The following C1orf21 variants were observed in gnomAD, a reference collection of about 807,000 sequenced individuals.
C1orf21 encodes uncharacterized protein C1orf21.
Under a neutral mutation model 18.7 loss-of-function variants are expected in C1orf21, and 3 were observed. The observed-to-expected ratio is 0.16, with a 90% CI of 0.07 to 0.42. C1orf21 has a LOEUF of 0.42. Among genes scored for constraint, C1orf21 ranks in the 10% least tolerant of loss-of-function variants. C1orf21 has a pLI of 0.99. For missense variants in C1orf21, 104 were observed against 143.6 expected (o/e 0.72, Z 1.41); for synonymous variants, 41 against 46.4 (o/e 0.88, Z 0.47).
chr1:184,569,905 G>A (rs934889873), intron 3 of C1orf21, among the ~76,000 whole-genome samples: 1 of 152,184 alleles, frequency 6.6e-6, no homozygotes, highest in East Asian at 1.9e-4. Context: ...AAAGCCTACA[G>A]AAGCCAAGAA....
intron 2 of C1orf21, among the ~76,000 whole-genome samples, chr1:184,489,647 T>A (rs781048259): frequency 4.6e-5 from 7 of 152,208 alleles, no homozygotes; most frequent in African/African-American, 7.2e-5. Flanking sequence ...GAAACATGCA[T>A]GGAATAGAGC....
At chr1:184,472,405 T>C (rs142070894) in intron 1 of C1orf21, among the ~76,000 whole-genome samples, 22 of 152,332 alleles carry the variant, frequency 1.4e-4, no homozygotes, top group Non-Finnish European at 2.9e-4. Flanking sequence ...AATTTCTTTA[T>C]GGAATGTATC....
intron 5 of C1orf21, among the ~76,000 whole-genome samples, chr1:184,603,399 G>A (rs1659610455): frequency 6.6e-6 from 1 of 152,230 alleles, no homozygotes; most frequent in Non-Finnish European, 1.5e-5. Flanking sequence ...ATTCCTGTGT[G>A]ATCTTGAGAT....
At chr1:184,525,325 T>C (rs1353910281) in intron 3 of C1orf21, among the ~76,000 whole-genome samples, 2 of 152,138 alleles carry the variant, frequency 1.3e-5, no homozygotes, top group Non-Finnish European at 2.9e-5. Context: ...GTGCTCTTCC[T>C]ACTATATTTC....
intron 1 of C1orf21, among the ~76,000 whole-genome samples, chr1:184,469,908 GGT>G (rs1275054743): frequency 6.6e-6 from 1 of 152,152 alleles, no homozygotes; most frequent in Non-Finnish European, 1.5e-5. Flanking sequence ...GCTGGATGCT[GGT>G]CCTCCAAGGG....
Position 184,521,153 on chromosome 1 carries a change from G to A in C1orf21, c.189+13471G>A, listed in dbSNP as rs536135360. 3.3e-5 allele frequency among the ~76,000 whole-genome samples: 5 copies of A among 152,226 alleles called. No individual in the cohort carries two copies. In the East Asian group the frequency reaches 7.7e-4, roughly 24 times the overall value. Reference sequence around the variant, plus strand: ...ACTCGCCTCGGCCTCCCAAAGTGCTGGGATTACAGGTGTGAGCCACTCACT... The same window carrying A: ...ACTCGCCTCGGCCTCCCAAAGTGCTAGGATTACAGGTGTGAGCCACTCACT... On this transcript the variant is annotated intron_variant, in intron 3 of 5. Transcript: ENST00000235307.
intron 3 of C1orf21, among the ~76,000 whole-genome samples, chr1:184,570,172 T>C (rs1659089302): frequency 6.6e-6 from 1 of 152,136 alleles, no homozygotes; most frequent in South Asian, 2.1e-4. Context: ...AACTTTTTTA[T>C]TTTTTTATTT....
chr1:184,592,072 C>T (rs1659446083), intron 4 of C1orf21, among the ~76,000 whole-genome samples: 1 of 151,980 alleles, frequency 6.6e-6, no homozygotes, highest in Admixed American at 6.6e-5. Context: ...AATGAAAAGG[C>T]ATTAAATTCA....
intron 5 of C1orf21, among the ~76,000 whole-genome samples, chr1:184,616,768 C>T (rs1194190627): frequency 6.6e-6 from 1 of 152,020 alleles, no homozygotes; most frequent in African/African-American, 2.4e-5. Context: ...ATTCCTTCCA[C>T]GTTCTTCCTC....
At chr1:184,401,115 T>A (rs1656143506) in intron 1 of C1orf21, among the ~76,000 whole-genome samples, 1 of 152,242 alleles carries the variant, frequency 6.6e-6, no homozygotes, top group Non-Finnish European at 1.5e-5. Context: ...TTCAGCTCTT[T>A]TTCATGTGTC....
At chr1:184,597,899 T>C (rs1333461349) in intron 4 of C1orf21, among the ~76,000 whole-genome samples, 1 of 152,196 alleles carries the variant, frequency 6.6e-6, no homozygotes, top group African/African-American at 2.4e-5. Flanking sequence ...TGCTCAGTAG[T>C]AATATCAGGT....
chr1:184,577,535 T>C (rs1437063275), intron 3 of C1orf21, among the ~76,000 whole-genome samples: 2 of 152,132 alleles, frequency 1.3e-5, no homozygotes, highest in Admixed American at 6.5e-5. Flanking sequence ...TAAAGAGAGT[T>C]GTGGGTGTGT....
chr1:184,549,711 CA>C (rs1658786315), intron 3 of C1orf21, among the ~76,000 whole-genome samples: 2 of 151,862 alleles, frequency 1.3e-5, no homozygotes, highest in Non-Finnish European at 2.9e-5. Context: ...TGGAACATTC[CA>C]GGTGTTTTTT....
chr1:184,411,973 A>T (rs907008033), intron 1 of C1orf21: 1 of 152,216 alleles, frequency 6.6e-6, no homozygotes, highest in Non-Finnish European at 1.5e-5. Flanking sequence ...AGAAACTGGG[A>T]TGAAAAGGCT....
intron 3 of C1orf21, among the ~76,000 whole-genome samples, chr1:184,541,776 G>A (rs1203768578): frequency 4.6e-5 from 7 of 152,190 alleles, no homozygotes; most frequent in Non-Finnish European, 8.8e-5. Context: ...TGGGAAAGGT[G>A]TGCCAACGAA....
intron 3 of C1orf21, among the ~76,000 whole-genome samples, chr1:184,512,453 C>A (rs1430007408): frequency 6.6e-6 from 1 of 152,148 alleles, no homozygotes; most frequent in Non-Finnish European, 1.5e-5. Flanking sequence ...TGGAGAAGAT[C>A]GTGCTGGTTT....
intron 2 of C1orf21, among the ~76,000 whole-genome samples, chr1:184,504,208 G>A (rs1004935848): frequency 1.3e-5 from 2 of 152,120 alleles, no homozygotes; most frequent in East Asian, 1.9e-4. Flanking sequence ...TGTTCCCGAC[G>A]TGCATTTTAA....
At chr1:184,499,761 C>T (rs1385112113) in intron 2 of C1orf21, among the ~76,000 whole-genome samples, 1 of 151,952 alleles carries the variant, frequency 6.6e-6, no homozygotes, top group African/African-American at 2.4e-5. Context: ...TGTGACTAAC[C>T]AACCAAGGAC....
intron 1 of C1orf21, among the ~76,000 whole-genome samples, chr1:184,444,329 C>T (rs533917754): frequency 1.4e-4 from 22 of 152,116 alleles, no homozygotes; most frequent in Admixed American, 4.6e-4. Flanking sequence ...GGAAGGGACC[C>T]GGTGGGAGAT....
Sources: allele counts gnomAD v4.1 joint callset (sites outside exome capture counted in the v4.1 genomes callset), GRCh38; gene constraint gnomAD v4.1.1; transcripts MANE v1.5; gene names NCBI Gene and HGNC (gene_info 2026-07-23, HGNC 2026-07-21).